Variants in COL14A1 observed in about 807,000 individuals in gnomAD.
COL14A1 encodes the protein collagen alpha-1(XIV) chain.
A neutral mutation model predicts 230.3 loss-of-function variants in COL14A1; 136 were observed. The ratio of observed to expected loss-of-function variants is 0.59; its 90% CI spans 0.51 to 0.68. The LOEUF is 0.68. COL14A1 is among the 30% of genes least tolerant of loss of function. The probability of loss-of-function intolerance (pLI) is 0.00; values close to 1 mark genes in which losing one functional copy is unlikely to be tolerated. For missense variants in COL14A1, 1,976 were observed against 2,215.8 expected, an observed-to-expected ratio of 0.89 and a Z score of 2.17; for synonymous variants, 792 against 784.1, an observed-to-expected ratio of 1.01 and a Z score of -0.17.
At chr8:120,369,545 C>G in intron 47 of COL14A1, 60 bp downstream of exon 47, 1 of 1,410,764 alleles carries the variant, frequency 7.1e-7, no homozygotes, top group Non-Finnish European at 9.4e-7. Flanking sequence ...ATGCTTAGTA[C>G]CAAAATGGGA....
At chr8:120,244,909 A>G (rs541825843) in intron 20 of COL14A1, among the ~76,000 whole-genome samples, 1 of 152,128 alleles carries the variant, frequency 6.6e-6, no homozygotes, top group East Asian at 1.9e-4. Context: ...ATGAAATCTT[A>G]TGTCCTTCCG....
chr8:120,196,560 T>G (rs535796031), intron 5 of COL14A1, among the ~76,000 whole-genome samples: 37 of 152,344 alleles, frequency 2.4e-4, no homozygotes, highest in Admixed American at 1.5e-3. Flanking sequence ...CAGGATGGTG[T>G]GAACCTGCCC....
intron 34 of COL14A1, among the ~76,000 whole-genome samples, chr8:120,295,862 A>C (rs1465616846): frequency 1.3e-5 from 2 of 151,860 alleles, no homozygotes; most frequent in Non-Finnish European, 1.5e-5. Flanking sequence ...GTTCAAAGTA[A>C]CTCAGTCTGT....
At position 120,281,152 on chromosome 8, in the gene COL14A1, C is replaced by T. The variant is rs1164275851; in HGVS notation, c.3824+93C>T. The T allele has an allele frequency of 2.6e-5, 30 of 1,160,508 alleles. 1 individual carries two copies. The East Asian group carries it at 2.6e-4, about 10-fold the overall frequency. The allele number at this position is 1,160,508 out of a possible 1,614,324, so 71.9% of individuals were successfully genotyped here. A position where few individuals can be genotyped will look rare whatever the true frequency, so the allele number is the denominator to read the frequency against. ...AACTTGAAATATGGTGTAATAGTCC[C>T]AGGTAGGATTTTCCACGACATTTAG... On this transcript the variant is annotated intron_variant, in intron 31 of 47. Transcript: ENST00000297848.
chr8:120,354,516 T>A (rs543317854), intron 45 of COL14A1, among the ~76,000 whole-genome samples: 1 of 152,302 alleles, frequency 6.6e-6, no homozygotes, highest in South Asian at 2.1e-4. Flanking sequence ...TGGATTTTCC[T>A]TTCATGTTCG....
At chr8:120,170,789 A>G (rs1816071391) in intron 5 of COL14A1, among the ~76,000 whole-genome samples, 1 of 151,952 alleles carries the variant, frequency 6.6e-6, no homozygotes, top group African/African-American at 2.4e-5. Flanking sequence ...CTCAAGGACT[A>G]TTTTATCTAA....
At chr8:120,283,846 G>A in intron 32 of COL14A1, 68 bp downstream of exon 32, 1 of 1,385,670 alleles carries the variant, frequency 7.2e-7, no homozygotes. Flanking sequence ...ATGCCATTTT[G>A]CCTGTTTGTG....
chr8:120,231,765 T>C (rs1818275506), intron 19 of COL14A1, 147 bp downstream of exon 19: 2 of 817,116 alleles, frequency 2.4e-6, no homozygotes, highest in Non-Finnish European at 3.6e-6. Flanking sequence ...TTAATCTGAC[T>C]CCACTACTGG....
intron 33 of COL14A1, among the ~76,000 whole-genome samples, chr8:120,287,642 A>C (rs1358588014): frequency 1.3e-5 from 2 of 152,054 alleles, no homozygotes; most frequent in Non-Finnish European, 2.9e-5. Context: ...AAATTTATAA[A>C]CCTTCAAATT....
At chr8:120,314,580 A>G (rs767453721) in intron 38 of COL14A1, among the ~76,000 whole-genome samples, 13 of 152,212 alleles carry the variant, frequency 8.5e-5, no homozygotes, top group Non-Finnish European at 1.8e-4. Context: ...ATCTTCATTA[A>G]TCTTACTGTA....
intron 40 of COL14A1, among the ~76,000 whole-genome samples, chr8:120,316,362 A>G (rs980272060): frequency 1.3e-5 from 2 of 152,208 alleles, no homozygotes; most frequent in African/African-American, 4.8e-5. Flanking sequence ...AAATTTAAAT[A>G]GAATGGCTTT....
chr8:120,131,185 T>C (rs949115005), intron 1 of COL14A1, among the ~76,000 whole-genome samples: 11 of 152,122 alleles, frequency 7.2e-5, no homozygotes, highest in African/African-American at 2.7e-4. Context: ...AACATAGGAG[T>C]GCATGTGTCT....
intron 25 of COL14A1, among the ~76,000 whole-genome samples, chr8:120,267,620 T>A (rs1197392409): frequency 1.3e-5 from 2 of 151,974 alleles, no homozygotes; most frequent in East Asian, 3.9e-4. Context: ...AGAATGAGTT[T>A]GAGAGACAGG....
chr8:120,302,751 A>G (rs1189555193), intron 36 of COL14A1, among the ~76,000 whole-genome samples: 1 of 152,124 alleles, frequency 6.6e-6, no homozygotes, highest in Non-Finnish European at 1.5e-5. Flanking sequence ...TGAATTTTAA[A>G]ATAGTTTTTT....
intron 19 of COL14A1, among the ~76,000 whole-genome samples, chr8:120,238,999 C>G (rs773036769): frequency 6.6e-6 from 1 of 152,158 alleles, no homozygotes; most frequent in Non-Finnish European, 1.5e-5. Flanking sequence ...CAGAAATCAC[C>G]CGCCTTCTGC....
intron 19 of COL14A1, among the ~76,000 whole-genome samples, chr8:120,240,847 C>A (rs1356562761): frequency 1.3e-5 from 2 of 152,046 alleles, no homozygotes; most frequent in Non-Finnish European, 2.9e-5. Context: ...TTAAAAAAAA[C>A]CCTTTGAATT....
In COL14A1 at chr8:120,203,746, C is replaced by G; in HGVS notation, c.915C>G (p.Ile305Met). Residue 305 changes from isoleucine (I) to methionine (M), a missense_variant, in exon 9 of 48, where the codon ATC becomes ATG. This residue lies in a region of COL14A1 where 1,791 missense variants were observed against 2,019.5 expected (regional missense o/e 0.89). Coordinates refer to ENST00000297848, the MANE Select transcript of COL14A1 (RefSeq NM_021110.4). ...CGGATGTGAATGAGCTGCAGGAGATCGCCTCTGAACCAGACAGCACTCATG... is the reference window on the plus strand; with the variant it reads ...CGGATGTGAATGAGCTGCAGGAGATGGCCTCTGAACCAGACAGCACTCATG... Reference protein sequence around the residue: ...KNADVNELQEIASEPDSTHVY... With the variant: ...KNADVNELQEMASEPDSTHVY... The G allele has an allele frequency of 6.2e-7, 1 of 1,613,768 alleles. No individual in the cohort carries two copies. Among genetic ancestry groups the G allele is most frequent in the Non-Finnish European group, 8.5e-7 (1 of 1,179,874 alleles).
At chr8:120,337,114 G>A (rs748818193) in intron 42 of COL14A1, among the ~76,000 whole-genome samples, 24 of 152,180 alleles carry the variant, frequency 1.6e-4, no homozygotes, top group Middle Eastern at 3.2e-3. Context: ...AAGAAGGCTG[G>A]GTGGGGTGGC....
At chr8:120,178,094 TTTTAA>T (rs1400796162) in intron 5 of COL14A1, among the ~76,000 whole-genome samples, 4 of 152,296 alleles carry the variant, frequency 2.6e-5, no homozygotes, top group South Asian at 2.1e-4. Flanking sequence ...GTTTGTTTGT[TTTTAA>T]TTTAATTTAA....
Sources: allele counts gnomAD v4.1 joint callset (sites outside exome capture counted in the v4.1 genomes callset), GRCh38; gene constraint gnomAD v4.1.1; regional missense constraint gnomAD v4.1.1; transcripts MANE v1.5; gene names NCBI Gene and HGNC (gene_info 2026-07-23, HGNC 2026-07-21).